SPACA7: variants seen among roughly 807,000 people sequenced by gnomAD.
SPACA7 encodes sperm acrosome associated 7, also known as sperm acrosome-associated protein 7.
SPACA7 carries 19 observed loss-of-function variants against 26.3 expected under a neutral mutation model. The ratio of observed to expected loss-of-function variants is 0.72; its 90% CI spans 0.50 to 1.06. SPACA7 has a LOEUF of 1.06. Ranked by LOEUF, SPACA7 falls within the 50% of genes least tolerant of loss-of-function variation. The pLI, the probability that SPACA7 is intolerant of heterozygous loss-of-function variation, is 0.00. For missense variants in SPACA7, 211 were observed against 229.9 expected, an observed-to-expected ratio of 0.92 and a Z score of 0.53; for synonymous variants, 84 against 84.5, an observed-to-expected ratio of 0.99 and a Z score of 0.04.
intron 5 of SPACA7, among the ~76,000 whole-genome samples, chr13:112,413,118 A>C (rs1886455190): frequency 6.6e-6 from 1 of 152,150 alleles, no homozygotes; most frequent in East Asian, 1.9e-4. Context: ...TGCACACCAC[A>C]ATTGCAGTGT....
At chr13:112,394,422 C>G (rs527247314) in intron 2 of SPACA7, among the ~76,000 whole-genome samples, 1 of 151,794 alleles carries the variant, frequency 6.6e-6, no homozygotes, top group Non-Finnish European at 1.5e-5. Context: ...TGCACGGCCT[C>G]GAACAGGGGC....
At chr13:112,401,239 T>C (rs1272538419) in intron 5 of SPACA7, 75 bp downstream of exon 5, 10 of 1,170,356 alleles carry the variant, frequency 8.5e-6, no homozygotes, top group Admixed American at 1.8e-5. Context: ...ACTGTCTCCC[T>C]CCAGCCTCGC....
At chr13:112,394,992 G>C (rs1030032857) in intron 2 of SPACA7, among the ~76,000 whole-genome samples, 4 of 152,228 alleles carry the variant, frequency 2.6e-5, no homozygotes, top group African/African-American at 7.2e-5. Context: ...TCAAATCCCT[G>C]TGGAGGTCAG....
At chr13:112,385,436 A>T (rs1446695844) in intron 1 of SPACA7, among the ~76,000 whole-genome samples, 1 of 152,208 alleles carries the variant, frequency 6.6e-6, no homozygotes, top group Non-Finnish European at 1.5e-5. Flanking sequence ...AAACCTGGTA[A>T]GTAAGCTATT....
chr13:112,432,360 G>A (rs759120223), intron 5 of SPACA7, 84 bp from the exon 6 acceptor site: 209 of 1,135,638 alleles, frequency 1.8e-4, no homozygotes, highest in African/African-American at 1.7e-3. Flanking sequence ...CAGCGCTTAC[G>A]GCTCCCTGAA....
intron 1 of SPACA7, among the ~76,000 whole-genome samples, chr13:112,391,330 C>A (rs1884873843): frequency 6.6e-6 from 1 of 152,194 alleles, no homozygotes; most frequent in African/African-American, 2.4e-5. Flanking sequence ...ACTCAGTGGG[C>A]ACTTCAGGCA....
At chr13:112,403,972 T>C (rs573479986) in intron 5 of SPACA7, among the ~76,000 whole-genome samples, 9 of 152,372 alleles carry the variant, frequency 5.9e-5, no homozygotes, top group African/African-American at 1.9e-4. Context: ...ATGGTAGTTC[T>C]ACTTTTAGTT....
chr13:112,376,475 T>C lies in SPACA7; in HGVS notation c.90T>C (p.Ile30=). The change falls in exon 1 of 7, where the codon ATT becomes ATC. Residue 30 remains isoleucine (I), a synonymous_variant. Transcript: ENST00000283550. ...QETELRPRTV[I]PGSPTEIPFS... ...CTGAGCTCCGGCCGAGAACCGTGAT[T>C]CCAGGTAGGGCCCCACAGGGATGTC... The C allele has an allele frequency of 6.2e-7, 1 of 1,612,708 alleles. No individual in the cohort carries two copies. The highest frequency in any genetic ancestry group is 1.3e-5 in the African/African-American group (1 of 75,020).
chr13:112,394,399 C>T (rs548472697), intron 2 of SPACA7, among the ~76,000 whole-genome samples: 349 of 151,720 alleles, frequency 2.3e-3, no homozygotes, highest in Middle Eastern at 6.8e-3. Flanking sequence ...CCCGGGACTG[C>T]GGCTGTGAAG....
At chr13:112,406,326 A>T (rs1295212688) in intron 5 of SPACA7, among the ~76,000 whole-genome samples, 1 of 152,142 alleles carries the variant, frequency 6.6e-6, no homozygotes, top group Non-Finnish European at 1.5e-5. Context: ...CAGGTGCCTC[A>T]TATAAGTGGA....
chr13:112,386,478 G>A (rs1271289372), intron 1 of SPACA7, among the ~76,000 whole-genome samples: 1 of 152,090 alleles, frequency 6.6e-6, no homozygotes, highest in Non-Finnish European at 1.5e-5. Context: ...GAGGAAAACA[G>A]AGTCTTTTTT....
At chr13:112,402,976 T>C (rs1390974536) in intron 5 of SPACA7, among the ~76,000 whole-genome samples, 1 of 152,124 alleles carries the variant, frequency 6.6e-6, no homozygotes, top group Non-Finnish European at 1.5e-5. Context: ...CCTATCTTTA[T>C]CAGGTTGAAA....
chr13:112,378,973 A>T (rs1419489762), intron 1 of SPACA7, among the ~76,000 whole-genome samples: 2 of 152,188 alleles, frequency 1.3e-5, no homozygotes, highest in Admixed American at 6.5e-5. Context: ...AAAAAATATA[A>T]ATGCTTCATT....
At chr13:112,397,093 G>T (rs1007648499) in intron 2 of SPACA7, among the ~76,000 whole-genome samples, 2 of 152,250 alleles carry the variant, frequency 1.3e-5, no homozygotes, top group African/African-American at 2.4e-5. Context: ...CGCGGCTGCT[G>T]GGTGAGAAAC....
At chr13:112,385,112 A>G (rs920956049) in intron 1 of SPACA7, among the ~76,000 whole-genome samples, 9 of 152,220 alleles carry the variant, frequency 5.9e-5, no homozygotes, top group Non-Finnish European at 1.3e-4. Flanking sequence ...TAGCCTACAG[A>G]AAAAAGCTAA....
Position 112,389,203 on chromosome 13 carries a change from C to T in SPACA7, c.95-3818C>T, listed in dbSNP as rs112737340. ...TATGAACCTTCTCCCATAGTTAGTT[C>T]GGCCTATGCTCAGGAATAAGCAAGG... On this transcript the variant is annotated intron_variant, in intron 1 of 6. Coordinates refer to ENST00000283550, the MANE Select transcript of SPACA7 (RefSeq NM_145248.5). Among the ~76,000 whole-genome samples, 684 of 152,292 alleles carry T rather than the reference C, an allele frequency of 4.5e-3. 3 individuals carry two copies. The highest frequency in any genetic ancestry group is 0.015 in the African/African-American group (640 of 41,564).
chr13:112,407,282 A>T (rs1594291318), intron 5 of SPACA7, among the ~76,000 whole-genome samples: 1 of 152,246 alleles, frequency 6.6e-6, no homozygotes, highest in East Asian at 1.9e-4. Context: ...TCTAAAATTG[A>T]CACCCTAACA....
chr13:112,392,961 G>A (rs1193516209), intron 1 of SPACA7, 60 bp from the exon 2 acceptor site: 44 of 1,497,514 alleles, frequency 2.9e-5, no homozygotes, highest in East Asian at 9.1e-5. Flanking sequence ...TCCATTTAAA[G>A]AGAAAAATAT....
chr13:112,403,665 A>C (rs1047770736), intron 5 of SPACA7, among the ~76,000 whole-genome samples: 2 of 152,198 alleles, frequency 1.3e-5, no homozygotes, highest in Non-Finnish European at 1.5e-5. Flanking sequence ...ATGAGTGAGA[A>C]CATACGATGT....
Sources: gnomAD v4.1 joint callset for allele counts (sites outside exome capture counted in the v4.1 genomes callset) on GRCh38, gnomAD v4.1.1 for gene constraint, MANE v1.5 for transcripts, NCBI Gene and HGNC (gene_info 2026-07-23, HGNC 2026-07-21) for gene names.